PHC3: variants seen among roughly 807,000 people sequenced by gnomAD.
PHC3 encodes polyhomeotic homolog 3, also known as polyhomeotic-like protein 3.
PHC3 carries 13 observed loss-of-function variants against 107.4 expected under a neutral mutation model. The ratio of observed to expected loss-of-function variants is 0.12; its 90% confidence interval spans 0.08 to 0.19. The LOEUF (loss-of-function observed/expected upper bound fraction) is 0.19, where lower values mean the gene tolerates loss of function less well. PHC3 is among the 10% of genes least tolerant of loss of function. The pLI is 1.00. For synonymous variants in PHC3, 456 were observed against 427.4 expected (o/e 1.07, Z -0.83); for missense variants, 992 against 1,210.9 (o/e 0.82, Z 2.68).
intron 6 of PHC3, among the ~76,000 whole-genome samples, chr3:170,138,651 C>A (rs1186867016): frequency 7.1e-6 from 1 of 141,186 alleles, no homozygotes; most frequent in Admixed American, 7.5e-5. Flanking sequence ...GATCACACCA[C>A]TGCACTCCAG....
In PHC3 at chr3:170,136,452, G is replaced by A. The variant is rs777815926; in HGVS notation, c.886C>T (p.Arg296Trp). 5.6e-6 allele frequency: 9 copies of A among 1,605,402 alleles called. No individual in the cohort carries two copies. Among genetic ancestry groups the A allele is most frequent in the Non-Finnish European group, 7.6e-6 (9 of 1,177,056 alleles). Reference sequence around the variant, plus strand: ...ATTAACTGGTGAATACTTGATGTCCGGGTGACAGCTGTGCTTCGTGATTCC... The same window carrying A: ...ATTAACTGGTGAATACTTGATGTCCAGGTGACAGCTGTGCTTCGTGATTCC... ...SLESRSTAVT[R>W]TSSIHQLIAP... is the part of the protein sequence containing the mutation. The change falls in exon 7 of 15, where the codon CGG (arginine) becomes TGG (tryptophan). Residue 296 changes from arginine (R) to tryptophan (W), a missense_variant. Coordinates refer to ENST00000495893, the MANE Select transcript of PHC3 (RefSeq NM_024947.4).
At position 170,136,523 on chromosome 3, in the gene PHC3, CGTT is replaced by C; in HGVS notation, c.812_814del (p.Gln271del). ...CTTATTACTTTCTGGAGAAGGATCTCGTTGGCTGATTTTAGAACTGGTCACTGT... is the reference window on the plus strand; with the variant it reads ...CTTATTACTTTCTGGAGAAGGATCTCGGCTGATTTTAGAACTGGTCACTGT... On this transcript the variant is annotated inframe_deletion, in exon 7 of 15. Coordinates refer to ENST00000495893, the MANE Select transcript of PHC3 (RefSeq NM_024947.4). 6.2e-7 allele frequency: 1 copy of C among 1,609,196 alleles called. No individual in the cohort carries two copies. Among genetic ancestry groups the C allele is most frequent in the Non-Finnish European group, 8.5e-7 (1 of 1,178,074 alleles).
At chr3:170,149,529 A>C (rs140243382) in intron 4 of PHC3, among the ~76,000 whole-genome samples, 6 of 151,806 alleles carry the variant, frequency 4.0e-5, no homozygotes, top group African/African-American at 1.5e-4. Context: ...ATTTTGGCTC[A>C]CTGCAACCTC....
At chr3:170,113,212 C>T (rs957942875) in intron 11 of PHC3, 148 bp downstream of exon 11, 5 of 637,140 alleles carry the variant, frequency 7.8e-6, no homozygotes, top group East Asian at 3.3e-5. Context: ...GATTAGCTTT[C>T]CCATTATTTT....
At chr3:170,144,319 C>T (rs889932433) in intron 6 of PHC3, among the ~76,000 whole-genome samples, 3 of 144,286 alleles carry the variant, frequency 2.1e-5, no homozygotes, top group Non-Finnish European at 4.5e-5. Flanking sequence ...CCAGCTTGGT[C>T]AATAAGAGCA....
intron 4 of PHC3, among the ~76,000 whole-genome samples, chr3:170,161,484 C>G (rs568181406): frequency 6.6e-6 from 1 of 152,254 alleles, no homozygotes; most frequent in African/African-American, 2.4e-5. Context: ...ATTAGATTCT[C>G]AAACCTAGAT....
chr3:170,131,149 A>T (rs1403058389), intron 7 of PHC3, among the ~76,000 whole-genome samples: 2 of 149,276 alleles, frequency 1.3e-5, no homozygotes, highest in East Asian at 3.9e-4. Context: ...AATTGTTAAA[A>T]AAAAAAAAAA....
intron 4 of PHC3, among the ~76,000 whole-genome samples, chr3:170,151,906 A>C (rs1299709716): frequency 6.6e-6 from 1 of 152,168 alleles, no homozygotes; most frequent in Non-Finnish European, 1.5e-5. Context: ...TGACTGGAGG[A>C]AGCTGAGTGA....
chr3:170,111,317 G>GAAC lies in PHC3; in HGVS notation c.2353+2042_2353+2043insGTT, dbSNP rs1560033400. Among the ~76,000 whole-genome samples the GAAC allele has an allele frequency of 2.0e-3, 219 of 107,492 alleles. 1 individual carries two copies. Among genetic ancestry groups the GAAC allele is most frequent in the African/African-American group, 4.8e-3 (139 of 28,758 alleles). The allele number at this position is 107,492 out of a possible 152,430, so 70.5% of individuals were successfully genotyped here. On this transcript the variant is annotated intron_variant, in intron 11 of 14. Coordinates refer to ENST00000495893, the MANE Select transcript of PHC3 (RefSeq NM_024947.4). ...AGGAAGGAAGGAAGGAAGGAAGGAA[G>GAAC]GAACGAACGAACGAAAGAACAAAAG...
rs113283659 is a variant in PHC3, at chr3:170,128,947, T to C, written c.1525A>G (p.Ile509Val). 5.6e-3 allele frequency: 8,981 copies of C among 1,613,884 alleles called. 43 individuals carry two copies. Among genetic ancestry groups the C allele is most frequent in the Non-Finnish European group, 6.9e-3 (8,195 of 1,179,842 alleles). The stretch of plus-strand genomic sequence containing the variant: ...ATCTGTGGAGGACTTGCAATTGGGA[T>C]TGGAGAGGACTGCAGGGATGAATAT... ...QQYSSLQSSP[I>V]PIASPPQMST... Residue 509 changes from isoleucine to valine, a missense_variant, in exon 8 of 15, where the codon ATC becomes GTC. This residue lies in a region of PHC3 where 543 missense variants were observed against 590.8 expected (regional missense o/e 0.92). Transcript: ENST00000495893.
chr3:170,137,076 T>C (rs996041013), intron 6 of PHC3, among the ~76,000 whole-genome samples: 4 of 152,174 alleles, frequency 2.6e-5, no homozygotes, highest in Admixed American at 2.0e-4. Flanking sequence ...TGCAACATAC[T>C]GCATTTAAAA....
chr3:170,126,564 CAG>C (rs1318093875), intron 8 of PHC3, among the ~76,000 whole-genome samples: 2 of 115,090 alleles, frequency 1.7e-5, no homozygotes, highest in Non-Finnish European at 3.5e-5. Flanking sequence ...TTTTTTGAGA[CAG>C]AGTCTCACTC....
intron 2 of PHC3, among the ~76,000 whole-genome samples, chr3:170,177,315 T>G (rs1253897636): frequency 6.6e-6 from 1 of 152,216 alleles, no homozygotes; most frequent in Admixed American, 6.5e-5. Context: ...TATAATTTTC[T>G]TTACACATAA....
At chr3:170,158,505 G>C (rs1438586522) in intron 4 of PHC3, among the ~76,000 whole-genome samples, 1 of 152,058 alleles carries the variant, frequency 6.6e-6, no homozygotes, top group Non-Finnish European at 1.5e-5. Context: ...GGGAGGCTGA[G>C]GCAGGAGAAA....
At chr3:170,135,139 TTTTGTTTGTTTG>T (rs370687749) in intron 7 of PHC3, among the ~76,000 whole-genome samples, 1 of 151,880 alleles carries the variant, frequency 6.6e-6, no homozygotes, top group Non-Finnish European at 1.5e-5. Flanking sequence ...AAAGGAAGTT[TTTTGTTTGTTTG>T]TTTGTTTGTT....
At chr3:170,168,504 G>A (rs564053313) in intron 4 of PHC3, among the ~76,000 whole-genome samples, 17 of 151,774 alleles carry the variant, frequency 1.1e-4, no homozygotes, top group Non-Finnish European at 1.2e-4. Context: ...GGTGGCTCAC[G>A]CCTGTAATCC....
intron 11 of PHC3, among the ~76,000 whole-genome samples, chr3:170,110,438 C>A (rs1294888483): frequency 6.6e-6 from 1 of 152,162 alleles, no homozygotes; most frequent in Non-Finnish European, 1.5e-5. Flanking sequence ...GTGTTCTAAT[C>A]TGAAATGTTC....
intron 4 of PHC3, among the ~76,000 whole-genome samples, chr3:170,168,065 G>A (rs558208203): frequency 2.4e-4 from 37 of 151,874 alleles, no homozygotes; most frequent in Middle Eastern, 3.4e-3. Context: ...AGCAGTCTGA[G>A]GTAGGAGGAT....
At chr3:170,130,960 C>T in intron 7 of PHC3, among the ~76,000 whole-genome samples, 1 of 151,134 alleles carries the variant, frequency 6.6e-6, no homozygotes, top group Non-Finnish European at 1.5e-5. Context: ...TATATTATAC[C>T]TTACATCTAT....
Sources: allele counts gnomAD v4.1 joint callset (sites outside exome capture counted in the v4.1 genomes callset), GRCh38; gene constraint gnomAD v4.1.1; regional missense constraint gnomAD v4.1.1; transcripts MANE v1.5; gene names NCBI Gene and HGNC (gene_info 2026-07-23, HGNC 2026-07-21).